Variants in ANXA2 observed in about 807,000 individuals in gnomAD.
ANXA2 encodes annexin II.
Under a neutral mutation model 47.3 loss-of-function variants are expected in ANXA2, and 28 were observed. The observed-to-expected ratio is 0.59, with a 90% CI of 0.44 to 0.81. ANXA2 has a LOEUF of 0.81. Ranked by LOEUF, ANXA2 falls within the 40% of genes least tolerant of loss-of-function variation. The probability of loss-of-function intolerance (pLI) is 0.00; values close to 1 mark genes in which losing one functional copy is unlikely to be tolerated. For synonymous variants in ANXA2, 172 were observed against 155.5 expected, an observed-to-expected ratio of 1.11 and a Z score of -0.79; for missense variants, 384 against 414.3, an observed-to-expected ratio of 0.93 and a Z score of 0.64.
intron 7 of ANXA2, among the ~76,000 whole-genome samples, chr15:60,355,086 C>T (rs1464441794): frequency 4.6e-5 from 7 of 152,232 alleles, no homozygotes; most frequent in African/African-American, 1.7e-4. Flanking sequence ...TAAGGAGCTG[C>T]CCTGTCAGAG....
intron 12 of ANXA2, among the ~76,000 whole-genome samples, chr15:60,348,250 G>T (rs1217567832): frequency 6.6e-6 from 1 of 152,118 alleles, no homozygotes; most frequent in East Asian, 1.9e-4. Flanking sequence ...GACATCTGAG[G>T]AACTTCTAGA....
chr15:60,352,357 T>G lies in ANXA2; in HGVS notation c.682+26A>C. ...CGCCCCAGCCAGGGCCCCAAGGCAC[T>G]GAGACTCCCTCAGCACAGTGCCCAC... On this transcript the variant is annotated intron_variant, in intron 9 of 12. Transcript: ENST00000451270. The surrounding 1 kb of genome is among the most constrained non-coding windows in gnomAD (Gnocchi z 4.2). The G allele has an allele frequency of 6.3e-7, 1 of 1,578,140 alleles. No homozygotes were observed. The highest frequency in any genetic ancestry group is 8.7e-7 in the Non-Finnish European group (1 of 1,151,492).
chr15:60,386,148 C>T lies in ANXA2; in HGVS notation c.-11-62G>A, dbSNP rs1218546854. 36 of 1,203,702 alleles carry T rather than the reference C, an allele frequency of 3.0e-5. No homozygotes were observed. In the South Asian group the frequency reaches 4.5e-4, roughly 15 times the overall value. 74.6% of individuals were successfully genotyped at this position (1,203,702 alleles called of 1,614,324 possible). On this transcript the variant is annotated intron_variant, in intron 1 of 12. Coordinates refer to ENST00000451270, the MANE Select transcript of ANXA2 (RefSeq NM_004039.3). Reference sequence around the variant, plus strand: ...GGCTCTCCTTTACTCTGAAGCACAGCGATTCATTATGCTAATTTCTACTCC... The same window carrying T: ...GGCTCTCCTTTACTCTGAAGCACAGTGATTCATTATGCTAATTTCTACTCC...
Position 60,348,545 on chromosome 15 carries a change from C to G in ANXA2, c.960+530G>C, listed in dbSNP as rs1197239908. ...GGATCACGAGGTCAGGAGATCGAGA[C>G]CATCCTGGCTAACACGGTGAAACCC... On this transcript the variant is annotated intron_variant, in intron 12 of 12. Transcript: ENST00000451270. Among the ~76,000 whole-genome samples the G allele has an allele frequency of 2.6e-5, 4 of 152,188 alleles. No homozygotes were observed. The East Asian group carries it at 5.8e-4, about 22-fold the overall frequency.
intron 1 of ANXA2, among the ~76,000 whole-genome samples, chr15:60,388,940 C>G (rs1377791): frequency 0.96 from 145,623 of 151,526 alleles, 70,254 homozygotes; most frequent in East Asian, 1. Context: ...GTCGCGTTAC[C>G]TTGCCCAGGC....
chr15:60,382,620 A>G (rs2062878460), intron 2 of ANXA2, 179 bp from the exon 3 acceptor site: 1 of 473,396 alleles, frequency 2.1e-6, no homozygotes, highest in Non-Finnish European at 3.8e-6. Flanking sequence ...CATTTTTTCT[A>G]ATAAGAATTC....
At chr15:60,349,283 A>G in intron 11 of ANXA2, 86 bp from the exon 12 acceptor site, 1 of 1,480,694 alleles carries the variant, frequency 6.8e-7, no homozygotes, top group Non-Finnish European at 9.2e-7. Context: ...CCTGATCTGA[A>G]AATCTGAAAT....
intron 3 of ANXA2, 100 bp downstream of exon 3, chr15:60,382,242 T>A: frequency 2.3e-6 from 2 of 864,150 alleles, no homozygotes; most frequent in Non-Finnish European, 3.9e-6. Flanking sequence ...TCGATGACAA[T>A]TTCAAATCGC....
intron 8 of ANXA2, 53 bp downstream of exon 8, chr15:60,354,101 A>C: frequency 6.8e-7 from 1 of 1,470,130 alleles, no homozygotes; most frequent in Non-Finnish European, 9.5e-7. Flanking sequence ...TATATAGACT[A>C]TCCAGAGACT....
intron 3 of ANXA2, among the ~76,000 whole-genome samples, chr15:60,379,063 G>A (rs1236221041): frequency 1.3e-5 from 2 of 152,020 alleles, no homozygotes; most frequent in Admixed American, 1.3e-4. Flanking sequence ...GGTGGATCAC[G>A]AGGTCAGGAG....
chr15:60,376,274 C>T lies in ANXA2; in HGVS notation c.148+6068G>A, dbSNP rs527645983. ...GCACATGCCTGTAATCCCAGCTACT[C>T]GGGAGGCTGAGGTAGGAGAATCGCT... On this transcript the variant is annotated intron_variant, in intron 3 of 12. Coordinates refer to ENST00000451270, the MANE Select transcript of ANXA2 (RefSeq NM_004039.3). Among the ~76,000 whole-genome samples, 8 of 151,820 alleles carry T rather than the reference C, an allele frequency of 5.3e-5. No individual in the cohort carries two copies. In the South Asian group the frequency reaches 6.3e-4, roughly 12 times the overall value.
At chr15:60,364,180 C>T (rs1049017288) in intron 4 of ANXA2, among the ~76,000 whole-genome samples, 7 of 152,194 alleles carry the variant, frequency 4.6e-5, no homozygotes, top group Non-Finnish European at 1.0e-4. Flanking sequence ...ACTGCACACG[C>T]GAGGGATCTA....
At chr15:60,381,777 C>T (rs1312119711) in intron 3 of ANXA2, among the ~76,000 whole-genome samples, 1 of 151,986 alleles carries the variant, frequency 6.6e-6, no homozygotes, top group Non-Finnish European at 1.5e-5. Context: ...AAGATTTTCC[C>T]AGCAAATGTA....
chr15:60,354,114 C>T, intron 8 of ANXA2, 40 bp downstream of exon 8: 1 of 1,580,242 alleles, frequency 6.3e-7, no homozygotes, highest in Non-Finnish European at 8.7e-7. Context: ...CAGAGACTTA[C>T]CAGAAAACAA....
chr15:60,385,324 T>G lies in ANXA2; in HGVS notation c.48+704A>C, dbSNP rs552538896. Among the ~76,000 whole-genome samples the G allele has an allele frequency of 3.3e-5, 5 of 152,278 alleles. No individual in the cohort carries two copies. The South Asian group carries it at 8.3e-4, about 25-fold the overall frequency. On this transcript the variant is annotated intron_variant, in intron 2 of 12. Coordinates refer to ENST00000451270, the MANE Select transcript of ANXA2 (RefSeq NM_004039.3). ...GGCTCCCACCTGTAATCCCAGCACTTTGGGAGGCCAAGGCAGGCAGATCAC... is the reference window on the plus strand; with the variant it reads ...GGCTCCCACCTGTAATCCCAGCACTGTGGGAGGCCAAGGCAGGCAGATCAC...
chr15:60,348,010 C>A (rs1051707122), intron 12 of ANXA2, among the ~76,000 whole-genome samples: 1 of 152,338 alleles, frequency 6.6e-6, no homozygotes, highest in East Asian at 1.9e-4. Flanking sequence ...GTCCTACAAA[C>A]ACCCTAACTT....
intron 3 of ANXA2, among the ~76,000 whole-genome samples, chr15:60,367,260 G>A (rs1487327035): frequency 4.6e-5 from 6 of 130,440 alleles, no homozygotes; most frequent in African/African-American, 1.2e-4. Context: ...CCGTCCGGGA[G>A]GGAGGTGGGG....
At chr15:60,392,931 G>C in intron 1 of ANXA2, 1 of 1,040,000 alleles carries the variant, frequency 9.6e-7, no homozygotes, top group South Asian at 1.8e-5. Context: ...GGCCACACTG[G>C]AATTTTAAAC....
In ANXA2 at chr15:60,347,507, G is replaced by A. The variant is rs1895772359; in HGVS notation, c.*123C>T. 2 of 862,612 alleles carry A rather than the reference G, an allele frequency of 2.3e-6. No individual in the cohort carries two copies. Among genetic ancestry groups the A allele is most frequent in the Non-Finnish European group, 3.8e-6 (2 of 531,040 alleles). The allele number at this position is 862,612 out of a possible 1,614,324, so 53.4% of individuals were successfully genotyped here. A position where few individuals can be genotyped will look rare whatever the true frequency, so the allele number is the denominator to read the frequency against. On this transcript the variant is annotated 3_prime_UTR_variant, in exon 13 of 13. Transcript: ENST00000451270. ...TTAGGCAACTAAAATGAGGTTGGGGGTAATGCTAACGTCACCCTCACAGGG... is the reference window on the plus strand; with the variant it reads ...TTAGGCAACTAAAATGAGGTTGGGGATAATGCTAACGTCACCCTCACAGGG...
Sources: gnomAD v4.1 joint callset for allele counts (sites outside exome capture counted in the v4.1 genomes callset) on GRCh38, gnomAD v4.1.1 for gene constraint, Gnocchi (gnomAD v3.1) non-coding constraint, MANE v1.5 for transcripts, NCBI Gene and HGNC (gene_info 2026-07-23, HGNC 2026-07-21) for gene names.